PSG7: variants seen among roughly 807,000 people sequenced by gnomAD.
PSG7 encodes pregnancy specific beta-1-glycoprotein 7.
A neutral mutation model predicts 45.6 loss-of-function variants in PSG7; 57 were observed. The ratio of observed to expected loss-of-function variants is 1.25; its 90% CI spans 1.01 to 1.56. PSG7 has a LOEUF of 1.56. Among genes scored for constraint, PSG7 ranks in the 40% most tolerant of loss-of-function variants. The probability of loss-of-function intolerance (pLI) is 0.00; values close to 1 mark genes in which losing one functional copy is unlikely to be tolerated. For missense variants in PSG7, 796 were observed against 508.4 expected, an observed-to-expected ratio of 1.57 and a Z score of -5.44; for synonymous variants, 298 against 194.4, an observed-to-expected ratio of 1.53 and a Z score of -4.43.
intron 3 of PSG7, 35 bp downstream of exon 3, chr19:42,929,407 G>A (rs1972965552): frequency 1.9e-6 from 3 of 1,611,892 alleles, no homozygotes; most frequent in Non-Finnish European, 2.5e-6. Context: ...ATTTGGGATG[G>A]CAGCCTGGCT....
In PSG7 at chr19:42,929,724, T is replaced by G. The variant is rs560837139; in HGVS notation, c.431-4A>C. 2.0e-5 allele frequency: 32 copies of G among 1,610,442 alleles called. No homozygotes were observed. In the African/African-American group the frequency reaches 4.0e-4, roughly 20 times the overall value. On this transcript the variant is annotated splice_polypyrimidine_tract_variant and splice_region_variant and intron_variant, in intron 2 of 5. Coordinates refer to ENST00000406070, the MANE Select transcript of PSG7 (RefSeq NM_002783.3). ...ATGGAGGGTTTGGGAGTCTCCACTGTGCGGAAAACAGAGAGAAGATTGCCC... is the reference window on the plus strand; with the variant it reads ...ATGGAGGGTTTGGGAGTCTCCACTGGGCGGAAAACAGAGAGAAGATTGCCC...
intron 3 of PSG7, chr19:42,927,721 C>T (rs1370542190): frequency 6.6e-6 from 1 of 151,388 alleles, no homozygotes; most frequent in Non-Finnish European, 1.5e-5. Flanking sequence ...AAGTGGATTC[C>T]AGAGTGAATA....
At chr19:42,933,299 A>ATTTTT (rs1235421771) in intron 2 of PSG7, among the ~76,000 whole-genome samples, 3 of 14,642 alleles carry the variant, frequency 2.0e-4, no homozygotes, top group African/African-American at 5.4e-4. Context: ...ATATATATAT[A>ATTTTT]TATATATATT....
intron 1 of PSG7, 61 bp downstream of exon 1, chr19:42,936,952 A>T (rs1973164446): frequency 3.1e-6 from 5 of 1,597,196 alleles, no homozygotes; most frequent in South Asian, 2.2e-5. Flanking sequence ...CCTCTCTAGG[A>T]GACCCCATCC....
At position 42,925,318 on chromosome 19, in the gene PSG7, A is replaced by T. The variant is rs992897176; in HGVS notation, c.1243+455T>A. ...TCTGTATTACCATAAACATATCAAT[A>T]CTCATGAATAGTTGCCCAATTCTGG... On this transcript the variant is annotated intron_variant, in intron 5 of 5. Coordinates refer to ENST00000406070, the MANE Select transcript of PSG7 (RefSeq NM_002783.3). 3.7e-5 allele frequency: 13 copies of T among 348,794 alleles called. 1 individual carries two copies. Among genetic ancestry groups the T allele is most frequent in the African/African-American group, 2.2e-4 (10 of 46,208 alleles). The allele number at this position is 348,794 out of a possible 1,614,324, so 21.6% of individuals were successfully genotyped here.
chr19:42,926,452 G>T lies in PSG7; in HGVS notation c.974C>A (p.Thr325Asn), dbSNP rs374985874. The part of the protein sequence containing the change: ...RYGGIRSDPV[T>N]LNVLYGPDLP... ...AGGATACTCACAGAGGACATTCAGG[G>T]TGACTGGGTCACTGCGGATGCCACC... The change falls in exon 4 of 6, where the codon ACC (threonine) becomes AAC (asparagine). Residue 325 changes from threonine (T) to asparagine (N), a missense_variant. Transcript: ENST00000406070. 3.0e-5 allele frequency: 49 copies of T among 1,611,748 alleles called. 1 individual carries two copies. In the African/African-American group the frequency reaches 6.0e-4, roughly 20 times the overall value.
chr19:42,930,497 G>A (rs1326405170), intron 2 of PSG7, among the ~76,000 whole-genome samples: 5 of 151,732 alleles, frequency 3.3e-5, no homozygotes, highest in East Asian at 3.9e-4. Flanking sequence ...TGAGGACCAT[G>A]TGGATCTTTC....
intron 4 of PSG7, 65 bp downstream of exon 4, chr19:42,926,373 G>C: frequency 1.3e-6 from 2 of 1,596,682 alleles, no homozygotes; most frequent in South Asian, 1.1e-5. Flanking sequence ...ACTGGCCTCT[G>C]GTCGTTTGGA....
intron 1 of PSG7, 45 bp downstream of exon 1, chr19:42,936,968 C>G: frequency 1.2e-6 from 2 of 1,605,294 alleles, no homozygotes; most frequent in East Asian, 2.2e-5. Context: ...CATCCAGTCA[C>G]TCTGCTTCCT....
intron 2 of PSG7, among the ~76,000 whole-genome samples, chr19:42,934,948 C>G (rs1347917201): frequency 6.6e-6 from 1 of 151,608 alleles, no homozygotes; most frequent in Non-Finnish European, 1.5e-5. Context: ...GCCCAAGAAA[C>G]CATAACCCAG....
At chr19:42,930,439 T>A (rs948616987) in intron 2 of PSG7, among the ~76,000 whole-genome samples, 21 of 151,624 alleles carry the variant, frequency 1.4e-4, no homozygotes, top group Non-Finnish European at 2.5e-4. Flanking sequence ...CAAGACCATG[T>A]TCCCTGTTCT....
At chr19:42,935,873 GACACACACACACACAC>G (rs60833164) in intron 1 of PSG7, 104 bp from the exon 2 acceptor site, 77 of 729,504 alleles carry the variant, frequency 1.1e-4, no homozygotes, top group East Asian at 8.6e-4. Flanking sequence ...CAGCCTTGAA[GACACACACACACACAC>G]ACACACACAC....
intron 1 of PSG7, chr19:42,936,266 TC>T (rs1973151160): frequency 1.2e-5 from 2 of 162,384 alleles, no homozygotes; most frequent in South Asian, 3.4e-4. Context: ...CAGCATGAGC[TC>T]CGTGAGGACA....
chr19:42,936,913 C>T (rs868139858), intron 1 of PSG7, 100 bp downstream of exon 1: 2 of 1,533,308 alleles, frequency 1.3e-6, no homozygotes, highest in Non-Finnish European at 1.8e-6. Flanking sequence ...TCCCAAAGTG[C>T]TGGCTTCTTT....
intron 2 of PSG7, among the ~76,000 whole-genome samples, chr19:42,932,244 G>C (rs545513311): frequency 2.0e-5 from 3 of 151,494 alleles, no homozygotes; most frequent in African/African-American, 4.8e-5. Context: ...AGGATGGTCT[G>C]TATCTCCTGA....
intron 1 of PSG7, 56 bp downstream of exon 1, chr19:42,936,957 C>G (rs1973164643): frequency 6.2e-7 from 1 of 1,600,568 alleles, no homozygotes; most frequent in African/African-American, 1.3e-5. Flanking sequence ...CTAGGAGACC[C>G]CATCCAGTCA....
chr19:42,934,668 C>T (rs980956130), intron 2 of PSG7, among the ~76,000 whole-genome samples: 5 of 151,634 alleles, frequency 3.3e-5, no homozygotes, highest in Non-Finnish European at 5.9e-5. Flanking sequence ...ACGTCAGATC[C>T]CTGTGGACAA....
At position 42,926,616 on chromosome 19, in the gene PSG7, G is replaced by C. The variant is rs1419222463; in HGVS notation, c.810C>G (p.Thr270=). 4 of 1,610,126 alleles carry C rather than the reference G, an allele frequency of 2.5e-6. No individual in the cohort carries two copies. The highest frequency in any genetic ancestry group is 1.3e-5 in the African/African-American group (1 of 74,564). The change falls in exon 4 of 6, where the codon ACC becomes ACG. Residue 270 remains threonine, a synonymous_variant. Transcript: ENST00000406070. ...FTCEPKSENY[T]YIWWLNGQSL... ...TCTGACCATTTAGCCACCAAATGTA[G>C]GTGTAGTTCTCACTCTTAGGTTCAC... is the stretch of plus-strand genomic sequence containing the variant.
intron 2 of PSG7, among the ~76,000 whole-genome samples, chr19:42,932,270 G>A (rs572019223): frequency 4.0e-5 from 6 of 151,460 alleles, no homozygotes; most frequent in East Asian, 3.9e-4. Flanking sequence ...TGCCTGCCTC[G>A]GCCTCCCAAA....
Sources: allele counts gnomAD v4.1 joint callset (sites outside exome capture counted in the v4.1 genomes callset), GRCh38; gene constraint gnomAD v4.1.1; transcripts MANE v1.5; gene names NCBI Gene and HGNC (gene_info 2026-07-23, HGNC 2026-07-21).